CCDC88A: variants seen among roughly 807,000 people sequenced by gnomAD.
CCDC88A encodes the protein girdin.
In CCDC88A, 54 loss-of-function variants were observed where a neutral mutation model predicts 234.3. The observed-to-expected ratio is 0.23, with a 90% CI of 0.19 to 0.29. CCDC88A has a LOEUF of 0.29. CCDC88A is among the 10% of genes least tolerant of loss of function. The pLI is 1.00. For synonymous variants in CCDC88A, 753 were observed against 737.8 expected (o/e 1.02, Z -0.33); for missense variants, 1,832 against 2,123.4 (o/e 0.86, Z 2.70).
At chr2:55,411,084 A>T (rs1183756277) in intron 2 of CCDC88A, among the ~76,000 whole-genome samples, 3 of 152,172 alleles carry the variant, frequency 2.0e-5, no homozygotes, top group Non-Finnish European at 2.9e-5. Context: ...GACTCTCCAA[A>T]AGCAGCCAGT....
rs1283625814 is a variant in CCDC88A, at chr2:55,289,221, C to A, written c.*1979G>T. On this transcript the variant is annotated 3_prime_UTR_variant, in exon 33 of 33. Coordinates refer to ENST00000436346, the MANE Select transcript of CCDC88A (RefSeq NM_001365480.1). ...TCGCCCTCATTGGGCTACATCACCA[C>A]CCATTAAATTTCAGCTTTTCAGTAA... 1 of 152,610 alleles carries A rather than the reference C, an allele frequency of 6.6e-6. No individual in the cohort carries two copies. The highest frequency in any genetic ancestry group is 6.5e-5 in the Admixed American group (1 of 15,276). The allele number at this position is 152,610 out of a possible 1,614,324, so 9.5% of individuals were successfully genotyped here. A position where few individuals can be genotyped will look rare whatever the true frequency, so the allele number is the denominator to read the frequency against.
chr2:55,336,582 C>T, intron 14 of CCDC88A, 99 bp downstream of exon 14: 1 of 717,480 alleles, frequency 1.4e-6, no homozygotes, highest in Non-Finnish European at 2.2e-6. Flanking sequence ...AAATATTTCC[C>T]TTTAATGTTT....
intron 28 of CCDC88A, chr2:55,300,474 C>T (rs1277841387): frequency 1.3e-5 from 2 of 152,460 alleles, no homozygotes; most frequent in African/African-American, 4.8e-5. Context: ...ATTTTCCAGA[C>T]AGAAATGGAA....
At chr2:55,303,287 G>A in intron 25 of CCDC88A, 135 bp from the exon 26 acceptor site, 1 of 649,958 alleles carries the variant, frequency 1.5e-6, no homozygotes, top group South Asian at 1.7e-5. Flanking sequence ...GCTATATTAA[G>A]GCTATTATTC....
intron 2 of CCDC88A, among the ~76,000 whole-genome samples, chr2:55,393,577 A>G (rs1182318815): frequency 6.6e-6 from 1 of 152,032 alleles, no homozygotes; most frequent in Non-Finnish European, 1.5e-5. Context: ...TACAGGCATG[A>G]GCCACGATGC....
chr2:55,387,164 G>A (rs1462421225), intron 3 of CCDC88A, among the ~76,000 whole-genome samples: 25 of 97,718 alleles, frequency 2.6e-4, no homozygotes, highest in African/African-American at 9.9e-4. Flanking sequence ...GCAACAGATT[G>A]AGATTCCATC....
intron 16 of CCDC88A, chr2:55,331,853 ATTTATC>A (rs1173907025): frequency 1.3e-5 from 2 of 151,912 alleles, no homozygotes; most frequent in Non-Finnish European, 2.9e-5. Flanking sequence ...CTTTTCCTCC[ATTTATC>A]TTTAAGTCAA....
In CCDC88A at chr2:55,335,756, T is replaced by G. The variant is rs62137096; in HGVS notation, c.1657-592A>C. Among the ~76,000 whole-genome samples, 5,997 of 152,296 alleles carry G rather than the reference T, an allele frequency of 0.039. 171 individuals carry two copies. The highest frequency in any genetic ancestry group is 0.068 in the Middle Eastern group (20 of 292). ...ATACAATGATTCTCAAAATTTAGTG[T>G]GTTAAATAATCTCAACAAGCTTGGA... On this transcript the variant is annotated intron_variant, in intron 14 of 32. Transcript: ENST00000436346. This position sits in a 1 kb window ranked among gnomAD's most constrained non-coding sequence, Gnocchi z 4.5.
At chr2:55,291,819 CAA>C in intron 31 of CCDC88A, 44 bp from the exon 32 acceptor site, 1 of 1,450,058 alleles carries the variant, frequency 6.9e-7, no homozygotes, top group Non-Finnish European at 9.7e-7. Flanking sequence ...AAAGATGAAA[CAA>C]AATACAATTC....
At position 55,328,043 on chromosome 2, in the gene CCDC88A, T is replaced by C. The variant is rs142063994; in HGVS notation, c.2997+251A>G. On this transcript the variant is annotated intron_variant, in intron 17 of 32. Coordinates refer to ENST00000436346, the MANE Select transcript of CCDC88A (RefSeq NM_001365480.1). This position sits in a 1 kb window ranked among gnomAD's most constrained non-coding sequence, Gnocchi z 4.3. ...TAAAATAAGCCTGCCTCTTCCTCAT[T>C]CCACCCACACACTTCTGATATATCC... is the stretch of plus-strand genomic sequence containing the variant. 6.6e-6 allele frequency among the ~76,000 whole-genome samples: 1 copy of C among 152,222 alleles called. No homozygotes were observed. The highest frequency in any genetic ancestry group is 1.5e-5 in the Non-Finnish European group (1 of 67,990).
intron 31 of CCDC88A, chr2:55,293,883 G>T: frequency 6.7e-6 from 1 of 149,238 alleles, no homozygotes; most frequent in Admixed American, 6.7e-5. Flanking sequence ...AAAGTTCTTT[G>T]CACTGGAGTC....
chr2:55,302,158 TG>T, intron 26 of CCDC88A, 86 bp from the exon 27 acceptor site: 1 of 1,035,264 alleles, frequency 9.7e-7, no homozygotes, highest in Non-Finnish European at 1.5e-6. Context: ...CTGTGGTTTT[TG>T]TCTATGAATT....
chr2:55,418,562 T>C (rs935491608), intron 2 of CCDC88A: 2 of 506,992 alleles, frequency 3.9e-6, no homozygotes, highest in South Asian at 6.3e-5. Flanking sequence ...TGGATTTCAG[T>C]ACTGAAGACA....
chr2:55,358,830 G>A (rs1574270996), intron 7 of CCDC88A, among the ~76,000 whole-genome samples: 1 of 151,630 alleles, frequency 6.6e-6, no homozygotes, highest in East Asian at 1.9e-4. Context: ...TGGTTCCTCT[G>A]TCCAAGGACA....
At chr2:55,404,173 G>A (rs1265737694) in intron 2 of CCDC88A, 4 of 152,192 alleles carry the variant, frequency 2.6e-5, no homozygotes, top group Non-Finnish European at 5.9e-5. Context: ...TCTCTTTTGA[G>A]ATGAAAGCCC....
At position 55,296,693 on chromosome 2, in the gene CCDC88A, T is replaced by C. The variant is rs940329521; in HGVS notation, c.4826-170A>G. The C allele has an allele frequency of 3.8e-5, 25 of 650,582 alleles. 1 individual carries two copies. The African/African-American group carries it at 4.0e-4, about 10-fold the overall frequency. The allele number at this position is 650,582 out of a possible 1,614,324, so 40.3% of individuals were successfully genotyped here. Reference sequence around the variant, plus strand: ...TGTCAATCTTTTATCAGTCTAACAATTGTCTGCCATAGCCTGCTTCCTTAT... The same window carrying C: ...TGTCAATCTTTTATCAGTCTAACAACTGTCTGCCATAGCCTGCTTCCTTAT... On this transcript the variant is annotated intron_variant, in intron 29 of 32. Coordinates refer to ENST00000436346, the MANE Select transcript of CCDC88A (RefSeq NM_001365480.1).
At chr2:55,396,869 CAA>C (rs34500780) in intron 2 of CCDC88A, among the ~76,000 whole-genome samples, 1,150 of 58,758 alleles carry the variant, frequency 0.02, 7 homozygotes, top group African/African-American at 0.069. Context: ...GACTCCATCT[CAA>C]AAAAAAAAAA....
At chr2:55,347,606 C>CTTTTTTTTTTTTTTTTTTTTTTTTTT (rs547733323) in intron 9 of CCDC88A, among the ~76,000 whole-genome samples, 1 of 102,138 alleles carries the variant, frequency 9.8e-6, no homozygotes, top group African/African-American at 3.9e-5. Flanking sequence ...ATTCATCTAC[C>CTTTTTTTTTTTTTTTTTTTTTTTTTT]TTTTTTTTTT....
At chr2:55,399,196 C>G (rs1213299262) in intron 2 of CCDC88A, among the ~76,000 whole-genome samples, 2 of 151,946 alleles carry the variant, frequency 1.3e-5, no homozygotes, top group African/African-American at 4.8e-5. Context: ...GACACATTAT[C>G]CCTATATATG....
Sources: allele counts gnomAD v4.1 joint callset (sites outside exome capture counted in the v4.1 genomes callset), GRCh38; gene constraint gnomAD v4.1.1; non-coding constraint Gnocchi (gnomAD v3.1); transcripts MANE v1.5; gene names NCBI Gene and HGNC (gene_info 2026-07-23, HGNC 2026-07-21).